KCNH5: variants seen among roughly 807,000 people sequenced by gnomAD.
KCNH5 encodes voltage-gated delayed rectifier potassium channel KCNH5.
Under a neutral mutation model 96.1 loss-of-function variants are expected in KCNH5, and 46 were observed. The ratio of observed to expected loss-of-function variants is 0.48; its 90% CI spans 0.38 to 0.61. The LOEUF is 0.61. Among genes scored for constraint, KCNH5 ranks in the 20% least tolerant of loss-of-function variants. The pLI, the probability that KCNH5 is intolerant of heterozygous loss-of-function variation, is 0.00. For missense variants in KCNH5, 907 were observed against 1,225.8 expected, an observed-to-expected ratio of 0.74 and a Z score of 3.88; for synonymous variants, 439 against 449.8, an observed-to-expected ratio of 0.98 and a Z score of 0.30.
chr14:63,015,483 C>G (rs908847989), intron 2 of KCNH5, among the ~76,000 whole-genome samples: 1 of 152,024 alleles, frequency 6.6e-6, no homozygotes, highest in African/African-American at 2.4e-5. Flanking sequence ...CTTTCTCTCT[C>G]TGTATGTACG....
chr14:62,984,159 G>A (rs1032366640), intron 5 of KCNH5, among the ~76,000 whole-genome samples: 1 of 152,120 alleles, frequency 6.6e-6, no homozygotes, highest in Non-Finnish European at 1.5e-5. Context: ...TTGGTGGAAG[G>A]AGGATGAAAT....
chr14:62,861,161 C>T (rs1028887449), intron 7 of KCNH5, among the ~76,000 whole-genome samples: 1 of 152,172 alleles, frequency 6.6e-6, no homozygotes, highest in African/African-American at 2.4e-5. Context: ...AACACCAACA[C>T]ACAACTTTAT....
chr14:62,888,984 T>C (rs1253127419), intron 7 of KCNH5, among the ~76,000 whole-genome samples: 3 of 152,330 alleles, frequency 2.0e-5, no homozygotes, highest in African/African-American at 7.2e-5. Context: ...GAGTCAAATT[T>C]ATCCTTAAGT....
intron 4 of KCNH5, among the ~76,000 whole-genome samples, chr14:62,997,378 C>T (rs10132214): frequency 0.21 from 32,623 of 152,054 alleles, 3,712 homozygotes; most frequent in East Asian, 0.36. Flanking sequence ...ACTAGAGAAG[C>T]TCCCCTCTAT....
rs531676790 is a variant in KCNH5 at position 62,737,942 on chromosome 14, T to A, written c.2020-29487A>T. ...AAAACTGCAGACAGTCTGAACCATA[T>A]ACATTTTTCCTATACCCGCCTACCT... On this transcript the variant is annotated intron_variant, in intron 10 of 10. Coordinates refer to ENST00000322893, the MANE Select transcript of KCNH5 (RefSeq NM_139318.5). Among the ~76,000 whole-genome samples the A allele has an allele frequency of 2.0e-5, 3 of 152,240 alleles. No homozygotes were observed. The East Asian group carries it at 5.8e-4, about 29-fold the overall frequency.
chr14:62,823,430 G>A (rs1213035686), intron 8 of KCNH5, among the ~76,000 whole-genome samples: 1 of 152,028 alleles, frequency 6.6e-6, no homozygotes, highest in Non-Finnish European at 1.5e-5. Flanking sequence ...CTGAGAGATT[G>A]GGGGTATGAG....
chr14:62,906,732 G>GT (rs1221760942), intron 7 of KCNH5, among the ~76,000 whole-genome samples: 1 of 152,062 alleles, frequency 6.6e-6, no homozygotes, highest in Non-Finnish European at 1.5e-5. Flanking sequence ...AATTAGGAGA[G>GT]TTTTTTAAAC....
At chr14:62,908,945 CTT>C (rs1266328003) in intron 7 of KCNH5, among the ~76,000 whole-genome samples, 1 of 149,992 alleles carries the variant, frequency 6.7e-6, no homozygotes, top group Non-Finnish European at 1.5e-5. Flanking sequence ...CCAAATGACT[CTT>C]TGAGCAAACT....
chr14:62,878,719 A>C (rs1888433505), intron 7 of KCNH5, among the ~76,000 whole-genome samples: 1 of 152,206 alleles, frequency 6.6e-6, no homozygotes, highest in African/African-American at 2.4e-5. Context: ...GGGGAACTTA[A>C]ACAATAATTC....
At chr14:63,003,698 C>G (rs1214335417) in intron 3 of KCNH5, among the ~76,000 whole-genome samples, 1 of 144,796 alleles carries the variant, frequency 6.9e-6, no homozygotes, top group Non-Finnish European at 1.5e-5. Context: ...CGGCTCACTG[C>G]GAGCTCCACC....
chr14:62,772,334 A>G (rs187687330), intron 10 of KCNH5, among the ~76,000 whole-genome samples: 1 of 152,118 alleles, frequency 6.6e-6, no homozygotes, highest in Non-Finnish European at 1.5e-5. Context: ...AAATAACTTA[A>G]GATACAAAAG....
intron 7 of KCNH5, among the ~76,000 whole-genome samples, chr14:62,880,478 A>T (rs892268644): frequency 2.6e-5 from 4 of 152,202 alleles, no homozygotes; most frequent in Admixed American, 2.6e-4. Flanking sequence ...ATGCTGGTGG[A>T]ATGAGAAATT....
intron 8 of KCNH5, among the ~76,000 whole-genome samples, chr14:62,814,741 C>CCACTG (rs1173034897): frequency 7.4e-6 from 1 of 135,320 alleles, no homozygotes; most frequent in Non-Finnish European, 1.5e-5. Flanking sequence ...CAAGTTCACA[C>CCACTG]CACTGCACTC....
chr14:63,024,968 T>C (rs935249528), intron 1 of KCNH5, among the ~76,000 whole-genome samples: 2 of 152,064 alleles, frequency 1.3e-5, no homozygotes, highest in East Asian at 1.9e-4. Context: ...CTGAAGAACA[T>C]AGATGCAAAA....
At position 62,954,727 on chromosome 14, in the gene KCNH5, T is replaced by G. The variant is rs116940538; in HGVS notation, c.943-4168A>C. ...AAAGACATACCCAAGACTCGGTAAT[T>G]CGTAAAGGAAAAGAGGTTTAATGGA... On this transcript the variant is annotated intron_variant, in intron 6 of 10. Coordinates refer to ENST00000322893, the MANE Select transcript of KCNH5 (RefSeq NM_139318.5). 2.3e-3 allele frequency among the ~76,000 whole-genome samples: 356 copies of G among 152,208 alleles called. 3 individuals carry two copies. Among genetic ancestry groups the G allele is most frequent in the Non-Finnish European group, 4.2e-3 (284 of 67,996 alleles).
intron 1 of KCNH5, among the ~76,000 whole-genome samples, chr14:63,043,334 G>A (rs999093384): frequency 2.0e-5 from 3 of 152,092 alleles, no homozygotes; most frequent in African/African-American, 7.2e-5. Context: ...TCTCTGAAAA[G>A]TTCTCTCATA....
At chr14:63,034,929 T>G (rs1376316124) in intron 1 of KCNH5, among the ~76,000 whole-genome samples, 2 of 152,342 alleles carry the variant, frequency 1.3e-5, no homozygotes, top group East Asian at 1.9e-4. Flanking sequence ...GTTTCTAAAA[T>G]GTAAACTGGT....
intron 7 of KCNH5, among the ~76,000 whole-genome samples, chr14:62,915,890 C>T (rs957961074): frequency 1.3e-5 from 2 of 152,096 alleles, no homozygotes; most frequent in East Asian, 1.9e-4. Flanking sequence ...AAATGAGTGA[C>T]TTGCCAAAGT....
intron 8 of KCNH5, among the ~76,000 whole-genome samples, chr14:62,836,242 A>G (rs1488570258): frequency 6.6e-6 from 1 of 152,102 alleles, no homozygotes; most frequent in Non-Finnish European, 1.5e-5. Flanking sequence ...GTACAAATGA[A>G]AGCAGGTTTT....
Sources: gnomAD v4.1 joint callset for allele counts (sites outside exome capture counted in the v4.1 genomes callset) on GRCh38, gnomAD v4.1.1 for gene constraint, MANE v1.5 for transcripts, NCBI Gene and HGNC (gene_info 2026-07-23, HGNC 2026-07-21) for gene names.